The following GLIS3 variants were observed in gnomAD, a reference collection of about 807,000 sequenced individuals.
GLIS3 encodes the protein GLIS family zinc finger 3.
GLIS3 carries 53 observed loss-of-function variants against 78.6 expected under a neutral mutation model. That is an observed-to-expected ratio of 0.67 (90% CI 0.54 to 0.85). The LOEUF (loss-of-function observed/expected upper bound fraction) is 0.85, where lower values mean the gene tolerates loss of function less well. Ranked by LOEUF, GLIS3 falls within the 40% of genes least tolerant of loss-of-function variation. The pLI, the probability that GLIS3 is intolerant of heterozygous loss-of-function variation, is 0.00. For missense variants in GLIS3, 1,703 were observed against 1,231.1 expected (o/e 1.38, Z -5.74); for synonymous variants, 684 against 509.9 (o/e 1.34, Z -4.60).
the GLIS3 span, among the ~76,000 whole-genome samples, chr9:4,487,156 C>T: frequency 2.2e-4 from 33 of 152,174 alleles, no homozygotes; most frequent in Non-Finnish European, 4.3e-4. Flanking sequence ...CCCGCCACCA[C>T]GCCTGGCTAA....
At chr9:3,929,334 AAG>A (rs1398940715) in intron 6 of GLIS3, among the ~76,000 whole-genome samples, 1 of 152,162 alleles carries the variant, frequency 6.6e-6, no homozygotes, top group East Asian at 1.9e-4. Context: ...TCCTTTGCAG[AAG>A]AGTTTTTTTT....
At chr9:4,030,749 C>A (rs960731397) in intron 4 of GLIS3, among the ~76,000 whole-genome samples, 2 of 152,182 alleles carry the variant, frequency 1.3e-5, no homozygotes, top group African/African-American at 4.8e-5. Flanking sequence ...TGGAACTTCA[C>A]ATAACTCGCT....
intron 3 of GLIS3, chr9:4,123,783 G>A (rs911401043): frequency 2.5e-6 from 1 of 398,106 alleles, no homozygotes; most frequent in South Asian, 1.3e-4. Flanking sequence ...GTCGTCTCTG[G>A]GGACAGAATT....
chr9:4,322,954 G>C (rs1817555741), intron 2 of GLIS3, among the ~76,000 whole-genome samples: 1 of 152,170 alleles, frequency 6.6e-6, no homozygotes, highest in African/African-American at 2.4e-5. Context: ...TGTTGCCATT[G>C]CTTTTGGTGT....
At chr9:4,430,679 T>A in the GLIS3 span, among the ~76,000 whole-genome samples, 3 of 152,154 alleles carry the variant, frequency 2.0e-5, no homozygotes, top group African/African-American at 7.2e-5. Context: ...AGGAAGGCCA[T>A]GGGTTAGGAG....
chr9:4,365,563 A>G, the GLIS3 span, among the ~76,000 whole-genome samples: 6 of 151,914 alleles, frequency 3.9e-5, no homozygotes, highest in East Asian at 5.8e-4. Context: ...CTCAAAAAAA[A>G]AGAAAAAAGA....
At chr9:3,876,525 T>C (rs906154024) in intron 8 of GLIS3, among the ~76,000 whole-genome samples, 2 of 148,560 alleles carry the variant, frequency 1.3e-5, no homozygotes, top group African/African-American at 2.5e-5. Context: ...AGAATGTCCT[T>C]CTTAGGAGAT....
intron 6 of GLIS3, among the ~76,000 whole-genome samples, chr9:3,915,620 A>G (rs1824456439): frequency 6.6e-6 from 1 of 152,202 alleles, no homozygotes; most frequent in Non-Finnish European, 1.5e-5. Flanking sequence ...CTCCAGGCTC[A>G]GCGGTCTGCT....
chr9:4,311,595 C>T (rs1587379034), intron 2 of GLIS3, among the ~76,000 whole-genome samples: 1 of 152,132 alleles, frequency 6.6e-6, no homozygotes, highest in African/African-American at 2.4e-5. Context: ...ACTCCACACT[C>T]CCCAGCTCCT....
At chr9:3,900,148 G>C (rs1207454930) in intron 6 of GLIS3, among the ~76,000 whole-genome samples, 7 of 150,472 alleles carry the variant, frequency 4.7e-5, no homozygotes, top group Admixed American at 2.0e-4. Context: ...AAATGGGAAG[G>C]AGACGTTGGA....
At chr9:4,363,471 T>C in the GLIS3 span, among the ~76,000 whole-genome samples, 1 of 152,156 alleles carries the variant, frequency 6.6e-6, no homozygotes, top group Non-Finnish European at 1.5e-5. Flanking sequence ...TGGGAATCAT[T>C]AGGATAAGTG....
intron 1 of GLIS3, among the ~76,000 whole-genome samples, chr9:4,292,626 G>A (rs1816106848): frequency 6.6e-6 from 1 of 152,176 alleles, no homozygotes; most frequent in Non-Finnish European, 1.5e-5. Flanking sequence ...TCCTACCACT[G>A]CTATCTTTCA....
At chr9:4,084,006 G>A (rs1828778707) in intron 4 of GLIS3, among the ~76,000 whole-genome samples, 1 of 152,118 alleles carries the variant, frequency 6.6e-6, no homozygotes, top group Non-Finnish European at 1.5e-5. Context: ...CTCTCTCCAG[G>A]AGTTCAGATG....
chr9:4,051,453 A>G (rs996993020), intron 4 of GLIS3, among the ~76,000 whole-genome samples: 3 of 152,176 alleles, frequency 2.0e-5, no homozygotes, highest in Non-Finnish European at 2.9e-5. Context: ...GCCTAAATGT[A>G]TCAAAATCCA....
At chr9:4,250,372 A>G (rs188219835) in intron 2 of GLIS3, among the ~76,000 whole-genome samples, 1 of 152,142 alleles carries the variant, frequency 6.6e-6, no homozygotes, top group African/African-American at 2.4e-5. Context: ...GAATTTATCC[A>G]TTTCTTCTAG....
At chr9:4,352,996 G>GT (rs541189422), upstream of GLIS3, among the ~76,000 whole-genome samples, 387 of 152,220 alleles carry the variant, frequency 2.5e-3, no homozygotes, top group African/African-American at 9.0e-3. Flanking sequence ...GACCTCAGTG[G>GT]TTTTTTGGCT....
intron 2 of GLIS3, among the ~76,000 whole-genome samples, chr9:4,329,447 C>A (rs746340789): frequency 6.6e-6 from 1 of 152,122 alleles, no homozygotes; most frequent in Non-Finnish European, 1.5e-5. Context: ...AGTGGTATTT[C>A]AAATGCCTTT....
At chr9:3,963,061 G>C (rs1185034128) in intron 4 of GLIS3, among the ~76,000 whole-genome samples, 7 of 151,796 alleles carry the variant, frequency 4.6e-5, no homozygotes, top group Non-Finnish European at 8.8e-5. Flanking sequence ...AAAACGAAAA[G>C]GACACACATA....
chr9:4,216,440 A>G (rs917263615), intron 2 of GLIS3, among the ~76,000 whole-genome samples: 4 of 150,750 alleles, frequency 2.7e-5, no homozygotes, highest in Non-Finnish European at 1.5e-5. Flanking sequence ...AGATTGCGCC[A>G]CTGCACTGCA....
Sources: gnomAD v4.1 joint callset for allele counts (sites outside exome capture counted in the v4.1 genomes callset) on GRCh38, gnomAD v4.1.1 for gene constraint, MANE v1.5 for transcripts, NCBI Gene and HGNC (gene_info 2026-07-23, HGNC 2026-07-21) for gene names.